Variants in RBFOX1 observed in about 807,000 individuals in gnomAD.
The protein encoded by RBFOX1 is RNA binding protein fox-1 homolog 1.
RBFOX1 carries 8 observed loss-of-function variants against 57.7 expected under a neutral mutation model. The ratio of observed to expected loss-of-function variants is 0.14; its 90% CI spans 0.08 to 0.25. The LOEUF (loss-of-function observed/expected upper bound fraction) is 0.25, where lower values mean the gene tolerates loss of function less well. Among genes scored for constraint, RBFOX1 ranks in the 10% least tolerant of loss-of-function variants. RBFOX1 has a pLI of 1.00. For missense variants in RBFOX1, 611 were observed against 548.5 expected, an observed-to-expected ratio of 1.11 and a Z score of -1.14; for synonymous variants, 326 against 222.4, an observed-to-expected ratio of 1.47 and a Z score of -4.15.
intron 1 of RBFOX1, among the ~76,000 whole-genome samples, chr16:6,187,175 G>T (rs921643906): frequency 2.6e-5 from 4 of 152,068 alleles, no homozygotes; most frequent in Non-Finnish European, 5.9e-5. Context: ...ACAAAGCCCT[G>T]ATGCTTTCAT....
chr16:5,622,527 T>C (rs2048228929), intron 3 of RBFOX1, among the ~76,000 whole-genome samples: 1 of 152,234 alleles, frequency 6.6e-6, no homozygotes, highest in Non-Finnish European at 1.5e-5. Context: ...TTTTTAGAAG[T>C]TGACTCTTGT....
chr16:7,145,494 A>C (rs1567444653), intron 4 of RBFOX1, among the ~76,000 whole-genome samples: 3 of 152,128 alleles, frequency 2.0e-5, no homozygotes, highest in Non-Finnish European at 4.4e-5. Flanking sequence ...GGCGTGAGCC[A>C]TCACACCTGG....
intron 4 of RBFOX1, among the ~76,000 whole-genome samples, chr16:7,169,749 C>T (rs12449183): frequency 2.0e-5 from 3 of 152,088 alleles, no homozygotes; most frequent in Non-Finnish European, 2.9e-5. Context: ...CTGCCTTCTC[C>T]TCTTACATGG....
At chr16:6,840,025 C>G (rs192919165) in intron 3 of RBFOX1, among the ~76,000 whole-genome samples, 1 of 152,142 alleles carries the variant, frequency 6.6e-6, no homozygotes, top group African/African-American at 2.4e-5. Context: ...ACTATGGACC[C>G]TGGGAAGGAT....
intron 4 of RBFOX1, among the ~76,000 whole-genome samples, chr16:7,327,279 G>C (rs766881768): frequency 1.6e-4 from 24 of 152,158 alleles, no homozygotes; most frequent in African/African-American, 4.8e-4. Flanking sequence ...AGAGGTATTT[G>C]GCAAAGATAA....
chr16:6,129,639 A>G (rs185551906), intron 1 of RBFOX1, among the ~76,000 whole-genome samples: 1 of 151,952 alleles, frequency 6.6e-6, no homozygotes, highest in African/African-American at 2.4e-5. Flanking sequence ...TTCCAAAGTT[A>G]ATGAAAAACA....
intron 9 of RBFOX1, among the ~76,000 whole-genome samples, chr16:7,605,053 A>G (rs768005261): frequency 1.3e-5 from 2 of 152,190 alleles, no homozygotes; most frequent in Non-Finnish European, 2.9e-5. Context: ...CTAGAAAGAA[A>G]GAACATTAAA....
chr16:6,648,628 C>T (rs568404559), intron 2 of RBFOX1, among the ~76,000 whole-genome samples: 45 of 152,252 alleles, frequency 3.0e-4, no homozygotes, highest in Admixed American at 5.2e-4. Context: ...CATCGACGGG[C>T]CCTCACCCTT....
At chr16:7,661,090 G>A (rs750530164) in intron 12 of RBFOX1, among the ~76,000 whole-genome samples, 9 of 152,134 alleles carry the variant, frequency 5.9e-5, no homozygotes, top group Non-Finnish European at 1.2e-4. Context: ...AATGGTGCTC[G>A]TGCTGTTACT....
intron 2 of RBFOX1, among the ~76,000 whole-genome samples, chr16:6,487,061 C>T (rs1467430318): frequency 6.6e-6 from 1 of 151,858 alleles, no homozygotes; most frequent in African/African-American, 2.4e-5. Flanking sequence ...TATAATGTCC[C>T]AAACAGTTTT....
intron 3 of RBFOX1, among the ~76,000 whole-genome samples, chr16:7,010,072 A>G (rs1045640170): frequency 2.0e-5 from 3 of 152,230 alleles, no homozygotes; most frequent in African/African-American, 7.2e-5. Flanking sequence ...GAGAATTCAA[A>G]TTTAGTTAAC....
chr16:6,167,502 C>T (rs565734396), intron 1 of RBFOX1, among the ~76,000 whole-genome samples: 6 of 152,094 alleles, frequency 3.9e-5, no homozygotes, highest in Non-Finnish European at 7.3e-5. Flanking sequence ...TTTTGTTTAA[C>T]GGTTTTATTA....
chr16:6,975,050 G>C (rs2086510499), intron 3 of RBFOX1, among the ~76,000 whole-genome samples: 1 of 152,076 alleles, frequency 6.6e-6, no homozygotes, highest in Non-Finnish European at 1.5e-5. Flanking sequence ...TGATCCAATT[G>C]TTTAAAAATA....
intron 3 of RBFOX1, among the ~76,000 whole-genome samples, chr16:6,675,307 G>C (rs1243015604): frequency 6.6e-6 from 1 of 152,148 alleles, no homozygotes; most frequent in African/African-American, 2.4e-5. Context: ...TCTGGCTTTA[G>C]GTATGCCTAA....
Position 6,226,458 on chromosome 16 carries a change from C to T in RBFOX1, c.-126-90537C>T, listed in dbSNP as rs1199019462. On this transcript the variant is annotated intron_variant, in intron 1 of 15. Transcript: ENST00000550418. Reference sequence around the variant, plus strand: ...GCCTGTCTATGTCTTTCCTGTGGCACAGGTAGTGAAACTGAGGTCAGGAAA... The same window carrying T: ...GCCTGTCTATGTCTTTCCTGTGGCATAGGTAGTGAAACTGAGGTCAGGAAA... Among the ~76,000 whole-genome samples, 2 of 151,152 alleles carry T rather than the reference C, an allele frequency of 1.3e-5. 1 individual carries two copies. The highest frequency in any genetic ancestry group is 4.9e-5 in the African/African-American group (2 of 41,118).
chr16:6,339,033 A>G (rs142095936), intron 2 of RBFOX1, among the ~76,000 whole-genome samples: 181 of 152,334 alleles, frequency 1.2e-3, no homozygotes, highest in African/African-American at 4.0e-3. Context: ...ACAATTAGAT[A>G]GAAGGATCAG....
intron 11 of RBFOX1, among the ~76,000 whole-genome samples, chr16:7,641,074 C>G: frequency 6.6e-6 from 1 of 152,132 alleles, no homozygotes; most frequent in Non-Finnish European, 1.5e-5. Context: ...GTCAAGCTCT[C>G]TCTGGGTCTA....
chr16:6,734,197 G>C (rs1351898247), intron 3 of RBFOX1, among the ~76,000 whole-genome samples: 1 of 152,256 alleles, frequency 6.6e-6, no homozygotes. Flanking sequence ...CATCCGTGCA[G>C]CTCTGCAATT....
At chr16:5,450,607 A>G (rs943109562) in intron 1 of RBFOX1, among the ~76,000 whole-genome samples, 1 of 152,074 alleles carries the variant, frequency 6.6e-6, no homozygotes, top group Non-Finnish European at 1.5e-5. Context: ...GATTTATGCA[A>G]ATGGCTCCAC....
Sources: gnomAD v4.1 joint callset for allele counts (sites outside exome capture counted in the v4.1 genomes callset) on GRCh38, gnomAD v4.1.1 for gene constraint, MANE v1.5 for transcripts, NCBI Gene and HGNC (gene_info 2026-07-23, HGNC 2026-07-21) for gene names.